The following SLC13A3 variants were observed in gnomAD, a reference collection of about 807,000 sequenced individuals.
SLC13A3 encodes the protein solute carrier family 13 member 3.
In SLC13A3, 40 loss-of-function variants were observed where a neutral mutation model predicts 59.0. That is an observed-to-expected ratio of 0.68 (90% CI 0.53 to 0.88). SLC13A3 has a LOEUF of 0.88. Among genes scored for constraint, SLC13A3 ranks in the 40% least tolerant of loss-of-function variants. The pLI is 0.00. For synonymous variants in SLC13A3, 317 were observed against 330.3 expected, an observed-to-expected ratio of 0.96 and a Z score of 0.44; for missense variants, 699 against 783.2, an observed-to-expected ratio of 0.89 and a Z score of 1.28.
At chr20:46,560,870 G>T (rs1439650719) in intron 12 of SLC13A3, among the ~76,000 whole-genome samples, 1 of 152,170 alleles carries the variant, frequency 6.6e-6, no homozygotes, top group Non-Finnish European at 1.5e-5. Context: ...GGGTCTTCTG[G>T]CTGCCCCGCC....
intron 1 of SLC13A3, among the ~76,000 whole-genome samples, chr20:46,643,942 G>A (rs2062869659): frequency 6.6e-6 from 1 of 152,148 alleles, no homozygotes; most frequent in African/African-American, 2.4e-5. Context: ...GGAGACTGAT[G>A]TGAGAGGATC....
chr20:46,565,631 G>A (rs1347859995), intron 11 of SLC13A3, among the ~76,000 whole-genome samples: 1 of 152,172 alleles, frequency 6.6e-6, no homozygotes, highest in East Asian at 1.9e-4. Context: ...GCCTGGGGCT[G>A]GTGATTTTTA....
At chr20:46,617,518 T>C (rs1335061981) in intron 1 of SLC13A3, among the ~76,000 whole-genome samples, 1 of 152,216 alleles carries the variant, frequency 6.6e-6, no homozygotes, top group Admixed American at 6.5e-5. Flanking sequence ...TCCCAGGCTC[T>C]TTCTGCCAAA....
At chr20:46,639,401 G>GTCGT (rs533587135) in intron 1 of SLC13A3, among the ~76,000 whole-genome samples, 452 of 152,316 alleles carry the variant, frequency 3.0e-3, no homozygotes, top group Non-Finnish European at 4.9e-3. Context: ...GGAGGTTGCA[G>GTCGT]TGAGCTGAGA....
At chr20:46,636,627 G>T (rs566043123) in intron 1 of SLC13A3, among the ~76,000 whole-genome samples, 2 of 152,134 alleles carry the variant, frequency 1.3e-5, no homozygotes, top group African/African-American at 4.8e-5. Flanking sequence ...GCCCCATGAG[G>T]CTGGTGGGCC....
chr20:46,628,241 T>G (rs532405919), intron 1 of SLC13A3, among the ~76,000 whole-genome samples: 11 of 152,178 alleles, frequency 7.2e-5, no homozygotes, highest in Non-Finnish European at 1.3e-4. Flanking sequence ...GGTGTCTGAT[T>G]TTGCAGACTT....
At chr20:46,665,940 G>A (rs980193930) in intron 1 of SLC13A3, among the ~76,000 whole-genome samples, 20 of 152,176 alleles carry the variant, frequency 1.3e-4, no homozygotes, top group East Asian at 1.2e-3. Context: ...ATCCTACTGC[G>A]TGTGCTTTTT....
chr20:46,626,097 T>TTCTCTC (rs74176872), intron 1 of SLC13A3, among the ~76,000 whole-genome samples: 27,053 of 145,646 alleles, frequency 0.19, 3,751 homozygotes, highest in African/African-American at 0.4. Context: ...CAAAGCTGTA[T>TTCTCTC]TCTCTCTCTC....
rs114282562 is a variant in SLC13A3 at position 46,566,592 on chromosome 20, C to T, written c.1333-202G>A. The T allele has an allele frequency of 2.4e-3, 1,205 of 511,698 alleles. 7 individuals are homozygous for T. Among genetic ancestry groups the T allele is most frequent in the African/African-American group, 3.6e-3 (185 of 50,812 alleles). The allele number at this position is 511,698 out of a possible 1,614,324, so 31.7% of individuals were successfully genotyped here. On this transcript the variant is annotated intron_variant, in intron 10 of 12. Transcript: ENST00000279027. Reference sequence around the variant, plus strand: ...CTGAGCCAGCAGCCTCTCTACTTCTCGAACTGCTCTCCACTCTATCTCATA... The same window carrying T: ...CTGAGCCAGCAGCCTCTCTACTTCTTGAACTGCTCTCCACTCTATCTCATA...
At chr20:46,578,641 A>T (rs978242932) in intron 9 of SLC13A3, among the ~76,000 whole-genome samples, 3 of 152,110 alleles carry the variant, frequency 2.0e-5, no homozygotes, top group Admixed American at 1.3e-4. Flanking sequence ...GTGTGGCTGC[A>T]CTCCAGCCTG....
At chr20:46,609,135 C>T in intron 3 of SLC13A3, 1 of 1,472,480 alleles carries the variant, frequency 6.8e-7, no homozygotes, top group Non-Finnish European at 9.0e-7. Flanking sequence ...TCAAATCTTC[C>T]TTTTAAAATA....
At chr20:46,637,900 C>T (rs1423278374) in intron 1 of SLC13A3, among the ~76,000 whole-genome samples, 1 of 152,160 alleles carries the variant, frequency 6.6e-6, no homozygotes, top group Non-Finnish European at 1.5e-5. Context: ...GGGGGACATA[C>T]CACCCCAGGT....
At chr20:46,619,786 G>T (rs1314859524) in intron 1 of SLC13A3, among the ~76,000 whole-genome samples, 1 of 152,058 alleles carries the variant, frequency 6.6e-6, no homozygotes, top group Non-Finnish European at 1.5e-5. Flanking sequence ...TTTTTATCCT[G>T]TGACCCCCAC....
upstream of SLC13A3, among the ~76,000 whole-genome samples, chr20:46,652,367 A>C (rs968411828): frequency 1.3e-5 from 2 of 152,048 alleles, no homozygotes; most frequent in African/African-American, 4.8e-5. Flanking sequence ...ATTGCTGCTG[A>C]TGAGTTATTC....
chr20:46,609,335 G>A (rs1971933231), intron 3 of SLC13A3, among the ~76,000 whole-genome samples: 1 of 152,128 alleles, frequency 6.6e-6, no homozygotes, highest in Non-Finnish European at 1.5e-5. Flanking sequence ...GAGACTGTAT[G>A]TAGTCACCTA....
At chr20:46,572,732 T>C (rs1600502043) in intron 10 of SLC13A3, among the ~76,000 whole-genome samples, 1 of 152,240 alleles carries the variant, frequency 6.6e-6, no homozygotes, top group South Asian at 2.1e-4. Flanking sequence ...TTAATGATCA[T>C]GGCAACTTTA....
At chr20:46,584,432 C>A in intron 8 of SLC13A3, 1 of 985,266 alleles carries the variant, frequency 1.0e-6, no homozygotes, top group Non-Finnish European at 1.2e-6. Context: ...TAGACCCTGG[C>A]CTGAAACTCA....
chr20:46,565,464 C>G (rs1252857319), intron 11 of SLC13A3, among the ~76,000 whole-genome samples: 1 of 151,990 alleles, frequency 6.6e-6, no homozygotes, highest in African/African-American at 2.4e-5. Flanking sequence ...GTCTGTTGCC[C>G]AGGCACCTGC....
At chr20:46,649,530 A>G (rs1004571) in intron 1 of SLC13A3, among the ~76,000 whole-genome samples, 109,273 of 152,042 alleles carry the variant, frequency 0.72, 40,417 homozygotes, top group African/African-American at 0.91. Context: ...TCTTCTTGCC[A>G]GAGAGCTCTG....
Sources: gnomAD v4.1 joint callset for allele counts (sites outside exome capture counted in the v4.1 genomes callset) on GRCh38, gnomAD v4.1.1 for gene constraint, MANE v1.5 for transcripts, NCBI Gene and HGNC (gene_info 2026-07-23, HGNC 2026-07-21) for gene names.